Variants in TMEM132C observed in about 807,000 individuals in gnomAD.
TMEM132C encodes the protein transmembrane protein 132C, also known as protein phosphatase 1, regulatory subunit 152.
TMEM132C carries 29 observed loss-of-function variants against 61.4 expected under a neutral mutation model. The observed-to-expected ratio is 0.47, with a 90% CI of 0.35 to 0.64. The LOEUF (loss-of-function observed/expected upper bound fraction) is 0.64. Among genes scored for constraint, TMEM132C ranks in the 30% least tolerant of loss-of-function variants. TMEM132C has a pLI of 0.00. For synonymous variants in TMEM132C, 656 were observed against 633.1 expected (o/e 1.04, Z -0.54); for missense variants, 1,408 against 1,476.9 (o/e 0.95, Z 0.76).
chr12:128,537,476 A>G (rs11059743), intron 2 of TMEM132C, among the ~76,000 whole-genome samples: 84,505 of 151,990 alleles, frequency 0.56, 24,503 homozygotes, highest in Middle Eastern at 0.64. Flanking sequence ...TGGCCAAGAG[A>G]GGGTCCGTTC....
At chr12:128,309,048 T>C (rs1406429804) in intron 1 of TMEM132C, among the ~76,000 whole-genome samples, 1 of 151,724 alleles carries the variant, frequency 6.6e-6, no homozygotes, top group Admixed American at 6.6e-5. Flanking sequence ...AGGAGACAAT[T>C]TGGGGGAGGG....
At chr12:128,645,452 C>T (rs1049568890) in intron 4 of TMEM132C, among the ~76,000 whole-genome samples, 3 of 152,332 alleles carry the variant, frequency 2.0e-5, no homozygotes, top group African/African-American at 4.8e-5. Context: ...GTGGGGCACC[C>T]GAGATCCTTC....
chr12:128,585,359 A>G (rs1207677746), intron 3 of TMEM132C, among the ~76,000 whole-genome samples: 1 of 151,976 alleles, frequency 6.6e-6, no homozygotes, highest in African/African-American at 2.4e-5. Context: ...GCTATGACCC[A>G]GCCATTCTTG....
intron 5 of TMEM132C, among the ~76,000 whole-genome samples, chr12:128,681,219 A>G (rs1406581786): frequency 6.6e-6 from 1 of 152,116 alleles, no homozygotes; most frequent in African/African-American, 2.4e-5. Context: ...ACCTCAAGTG[A>G]TCTGCACACC....
intron 2 of TMEM132C, among the ~76,000 whole-genome samples, chr12:128,427,390 GTGTGT>G (rs1565932937): frequency 6.7e-4 from 33 of 49,292 alleles, no homozygotes; most frequent in African/African-American, 2.1e-3. Context: ...CCAAAGGGGT[GTGTGT>G]GTGTGTGTGT....
At chr12:128,282,182 C>T (rs1391701009) in intron 1 of TMEM132C, among the ~76,000 whole-genome samples, 1 of 152,196 alleles carries the variant, frequency 6.6e-6, no homozygotes, top group African/African-American at 2.4e-5. Context: ...TTGTGTATTT[C>T]TTACAAACAA....
intron 1 of TMEM132C, among the ~76,000 whole-genome samples, chr12:128,407,335 T>C (rs1290940884): frequency 6.6e-6 from 1 of 152,230 alleles, no homozygotes; most frequent in African/African-American, 2.4e-5. Flanking sequence ...TGAGAATCCA[T>C]TAAACCTCTT....
At chr12:128,702,694 A>G (rs1452630970) in intron 8 of TMEM132C, among the ~76,000 whole-genome samples, 5 of 152,190 alleles carry the variant, frequency 3.3e-5, no homozygotes, top group Non-Finnish European at 7.3e-5. Flanking sequence ...TTCGCATACC[A>G]CAGAGGTAGT....
chr12:128,285,371 A>G (rs1160531365), intron 1 of TMEM132C, among the ~76,000 whole-genome samples: 2 of 152,188 alleles, frequency 1.3e-5, no homozygotes, highest in Non-Finnish European at 2.9e-5. Context: ...TTTTAATTAC[A>G]AATAGGAATG....
intron 2 of TMEM132C, among the ~76,000 whole-genome samples, chr12:128,532,003 A>G (rs992496969): frequency 6.6e-5 from 10 of 152,242 alleles, no homozygotes; most frequent in African/African-American, 2.2e-4. Flanking sequence ...AATAGTTTCT[A>G]TGCAGAGCCC....
intron 3 of TMEM132C, among the ~76,000 whole-genome samples, chr12:128,573,499 G>GT (rs1371513950): frequency 1.3e-5 from 2 of 152,054 alleles, no homozygotes; most frequent in African/African-American, 4.8e-5. Flanking sequence ...TATACCTAAT[G>GT]TAAATGATGA....
At position 128,415,470 on chromosome 12, in the gene TMEM132C, A is replaced by G. The variant is rs1173200869; in HGVS notation, c.824A>G (p.Tyr275Cys). The G allele has an allele frequency of 6.4e-7, 1 of 1,551,544 alleles. No individual in the cohort carries two copies. The highest frequency in any genetic ancestry group is 1.2e-5 in the South Asian group (1 of 84,054). Reference protein sequence around the residue: ...HLQRIGTVGLYRAQDSAQLSE... With the variant: ...HLQRIGTVGLCRAQDSAQLSE... Reference sequence around the variant, plus strand: ...CAGAGGATCGGCACCGTCGGCCTTTACCGGGCCCAGGACAGCGCCCAGCTC... The same window carrying G: ...CAGAGGATCGGCACCGTCGGCCTTTGCCGGGCCCAGGACAGCGCCCAGCTC... The change falls in exon 2 of 9, where the codon TAC becomes TGC. Residue 275 changes from tyrosine (Y) to cysteine (C), a missense_variant. Coordinates refer to ENST00000435159, the MANE Select transcript of TMEM132C (RefSeq NM_001136103.3). The surrounding 1 kb of genome is among the most constrained non-coding windows in gnomAD (Gnocchi z 5.8).
intron 2 of TMEM132C, among the ~76,000 whole-genome samples, chr12:128,542,706 A>C (rs1376170321): frequency 7.3e-6 from 1 of 137,236 alleles, no homozygotes; most frequent in Non-Finnish European, 1.6e-5. Flanking sequence ...CTAAAATACA[A>C]AAAAAGTAGC....
intron 1 of TMEM132C, among the ~76,000 whole-genome samples, chr12:128,360,984 T>C (rs576602050): frequency 5.3e-5 from 8 of 152,352 alleles, no homozygotes; most frequent in African/African-American, 1.9e-4. Flanking sequence ...ACATAGGTCA[T>C]GAGCTCCTAC....
At chr12:128,541,478 C>T (rs1876122415) in intron 2 of TMEM132C, among the ~76,000 whole-genome samples, 1 of 152,204 alleles carries the variant, frequency 6.6e-6, no homozygotes, top group African/African-American at 2.4e-5. Context: ...TGGTGACCAA[C>T]CCTATCCTGA....
At chr12:128,514,471 C>G (rs1165106747) in intron 2 of TMEM132C, among the ~76,000 whole-genome samples, 3 of 151,776 alleles carry the variant, frequency 2.0e-5, no homozygotes, top group Non-Finnish European at 2.9e-5. Context: ...TTCATTATCT[C>G]TTTTTATTCT....
chr12:128,453,082 G>A (rs1870229750), intron 2 of TMEM132C, among the ~76,000 whole-genome samples: 1 of 152,188 alleles, frequency 6.6e-6, no homozygotes, highest in Admixed American at 6.5e-5. Context: ...AACTGAAGAA[G>A]GAAATGGCAG....
At chr12:128,456,608 A>G (rs374153216) in intron 2 of TMEM132C, among the ~76,000 whole-genome samples, 5 of 151,756 alleles carry the variant, frequency 3.3e-5, no homozygotes, top group East Asian at 3.9e-4. Context: ...GGATTTCACA[A>G]TGTTACCCAG....
chr12:128,395,640 A>G lies in TMEM132C; in HGVS notation c.86-19092A>G, dbSNP rs1338986604. On this transcript the variant is annotated intron_variant, in intron 1 of 8. Coordinates refer to ENST00000435159, the MANE Select transcript of TMEM132C (RefSeq NM_001136103.3). ...CATCGAACACAAAGCCTGTTTTATG[A>G]TAAGGTATTGAATATCTCATGTAAT... Among the ~76,000 whole-genome samples, 4 of 152,360 alleles carry G rather than the reference A, an allele frequency of 2.6e-5. No homozygotes were observed. The East Asian group carries it at 7.7e-4, about 29-fold the overall frequency.
Sources: gnomAD v4.1 joint callset for allele counts (sites outside exome capture counted in the v4.1 genomes callset) on GRCh38, gnomAD v4.1.1 for gene constraint, Gnocchi (gnomAD v3.1) non-coding constraint, MANE v1.5 for transcripts, NCBI Gene and HGNC (gene_info 2026-07-23, HGNC 2026-07-21) for gene names.